The following EPHB2 variants were observed in gnomAD, a reference collection of about 807,000 sequenced individuals.
The protein encoded by EPHB2 is ephrin type-B receptor 2.
In EPHB2, 18 loss-of-function variants were observed where a neutral mutation model predicts 96.4. That is an observed-to-expected ratio of 0.19 (90% CI 0.13 to 0.28). The LOEUF (loss-of-function observed/expected upper bound fraction) is 0.28, where lower values mean the gene tolerates loss of function less well. Among genes scored for constraint, EPHB2 ranks in the 10% least tolerant of loss-of-function variants. EPHB2 has a pLI of 1.00. For synonymous variants in EPHB2, 506 were observed against 534.1 expected (o/e 0.95, Z 0.72); for missense variants, 989 against 1,355.4 (o/e 0.73, Z 4.25).
At chr1:22,887,935 C>T (rs1639276834) in intron 6 of EPHB2, among the ~76,000 whole-genome samples, 1 of 152,202 alleles carries the variant, frequency 6.6e-6, no homozygotes, top group Non-Finnish European at 1.5e-5. Context: ...TAGGATCTAC[C>T]TGGAGAGGTT....
At chr1:22,891,062 C>T (rs1042272670) in intron 6 of EPHB2, 6 of 455,882 alleles carry the variant, frequency 1.3e-5, no homozygotes, top group Non-Finnish European at 2.6e-5. Context: ...GCCTGTTATA[C>T]CTATTGATTC....
intron 1 of EPHB2, among the ~76,000 whole-genome samples, chr1:22,725,328 T>G (rs774776733): frequency 6.6e-6 from 1 of 151,824 alleles, no homozygotes; most frequent in African/African-American, 2.4e-5. Context: ...TGTTGAGTGG[T>G]TGATGGTTGG....
At chr1:22,829,510 C>T (rs1010907277) in intron 3 of EPHB2, among the ~76,000 whole-genome samples, 1 of 152,238 alleles carries the variant, frequency 6.6e-6, no homozygotes, top group African/African-American at 2.4e-5. Context: ...TTGACCCTCA[C>T]CTGCCTGTCT....
At chr1:22,891,186 G>C (rs1210223798) in intron 6 of EPHB2, 2 of 455,912 alleles carry the variant, frequency 4.4e-6, no homozygotes, top group African/African-American at 4.0e-5. Context: ...ATATATACTA[G>C]AGCCAGGATT....
Position 22,907,840 on chromosome 1 carries a change from G to C in EPHB2, c.2137-113G>C, listed in dbSNP as rs1413425234. On this transcript the variant is annotated intron_variant, in intron 11 of 15. Transcript: ENST00000374630. ...AAAGCATCTGAGTCCTTCCCCAGGG[G>C]AGCCCAGAGCCAGGCTGGCAGGGCC... The C allele has an allele frequency of 3.0e-6, 4 of 1,328,664 alleles. No homozygotes were observed. The Admixed American group carries it at 6.9e-5, about 23-fold the overall frequency. 82.3% of individuals were successfully genotyped at this position (1,328,664 alleles called of 1,614,324 possible).
intron 6 of EPHB2, among the ~76,000 whole-genome samples, chr1:22,892,439 A>C (rs1444041809): frequency 1.3e-5 from 2 of 152,188 alleles, no homozygotes; most frequent in East Asian, 3.9e-4. Flanking sequence ...CCATGGGTTT[A>C]TGTCTGTGGG....
chr1:22,778,981 A>C (rs1490272593), intron 1 of EPHB2, among the ~76,000 whole-genome samples: 1 of 152,060 alleles, frequency 6.6e-6, no homozygotes, highest in Non-Finnish European at 1.5e-5. Context: ...GGATGGGGCC[A>C]CCTGCTTGGC....
intron 14 of EPHB2, among the ~76,000 whole-genome samples, chr1:22,911,943 C>T (rs1229977420): frequency 2.0e-5 from 3 of 152,176 alleles, no homozygotes; most frequent in East Asian, 3.9e-4. Flanking sequence ...TTCCCATTAG[C>T]GCCACCAGCC....
chr1:22,763,886 A>C (rs968640327), intron 1 of EPHB2, among the ~76,000 whole-genome samples: 1 of 152,108 alleles, frequency 6.6e-6, no homozygotes, highest in Non-Finnish European at 1.5e-5. Flanking sequence ...CCTGCATCCC[A>C]GAGCTTGTGG....
intron 1 of EPHB2, among the ~76,000 whole-genome samples, chr1:22,762,360 A>G (rs966211924): frequency 9.2e-5 from 14 of 152,142 alleles, no homozygotes; most frequent in Admixed American, 6.5e-5. Context: ...ACCTCTACCC[A>G]CTAAGAATGG....
chr1:22,722,473 G>A (rs1260042418), intron 1 of EPHB2, among the ~76,000 whole-genome samples: 3 of 152,212 alleles, frequency 2.0e-5, no homozygotes, highest in Non-Finnish European at 4.4e-5. Context: ...GGAAGTTGAG[G>A]TTCAATGACT....
chr1:22,856,835 A>T (rs1033014901), intron 3 of EPHB2, among the ~76,000 whole-genome samples: 4 of 152,198 alleles, frequency 2.6e-5, no homozygotes, highest in African/African-American at 9.7e-5. Flanking sequence ...TCCATGCTGG[A>T]TGAGTAATAA....
At chr1:22,911,667 A>G (rs527705384) in intron 14 of EPHB2, among the ~76,000 whole-genome samples, 1 of 152,262 alleles carries the variant, frequency 6.6e-6, no homozygotes, top group South Asian at 2.1e-4. Context: ...CTTACTCCTC[A>G]GGACCCACAA....
At chr1:22,777,252 G>A (rs1440333014) in intron 1 of EPHB2, among the ~76,000 whole-genome samples, 9 of 152,240 alleles carry the variant, frequency 5.9e-5, no homozygotes, top group Non-Finnish European at 1.2e-4. Flanking sequence ...TAGCTAACTG[G>A]AGTGCAGCTT....
chr1:22,812,250 C>G (rs1463086249), intron 3 of EPHB2, among the ~76,000 whole-genome samples: 1 of 152,204 alleles, frequency 6.6e-6, no homozygotes, highest in Non-Finnish European at 1.5e-5. Context: ...AGGGGAGCTT[C>G]CAGGGGAGCA....
intron 4 of EPHB2, among the ~76,000 whole-genome samples, chr1:22,864,034 C>CTTT (rs201727615): frequency 1.6e-4 from 21 of 131,190 alleles, no homozygotes; most frequent in African/African-American, 6.6e-4. Context: ...AGTTTCTGTT[C>CTTT]TTTTTTTTTT....
At chr1:22,789,447 G>A (rs1351932638) in intron 3 of EPHB2, among the ~76,000 whole-genome samples, 1 of 152,214 alleles carries the variant, frequency 6.6e-6, no homozygotes, top group African/African-American at 2.4e-5. Flanking sequence ...CTAGTTCCCA[G>A]TGCAGTGAGT....
At chr1:22,864,799 G>A (rs1638408888) in intron 4 of EPHB2, 78 bp from the exon 5 acceptor site, 5 of 911,810 alleles carry the variant, frequency 5.5e-6, no homozygotes, top group Non-Finnish European at 8.5e-6. Context: ...CTGAGCCAGA[G>A]CAGCGGGCAC....
At chr1:22,805,778 A>G (rs770634277) in intron 3 of EPHB2, among the ~76,000 whole-genome samples, 47 of 152,178 alleles carry the variant, frequency 3.1e-4, no homozygotes, top group Non-Finnish European at 5.0e-4. Context: ...ACTAGCGCAT[A>G]TGTGCCTGCC....
Sources: allele counts gnomAD v4.1 joint callset (sites outside exome capture counted in the v4.1 genomes callset), GRCh38; gene constraint gnomAD v4.1.1; transcripts MANE v1.5; gene names NCBI Gene and HGNC (gene_info 2026-07-23, HGNC 2026-07-21).